RGS22: variants seen among roughly 807,000 people sequenced by gnomAD.
The protein encoded by RGS22 is regulator of G protein signaling 22.
A neutral mutation model predicts 172.9 loss-of-function variants in RGS22; 148 were observed. The ratio of observed to expected loss-of-function variants is 0.86; its 90% CI spans 0.75 to 0.98. The LOEUF is 0.98. RGS22 is among the 50% of genes least tolerant of loss of function. The pLI is 0.00. For missense variants in RGS22, 1,347 were observed against 1,440.8 expected (o/e 0.93, Z 1.05); for synonymous variants, 458 against 480.2 (o/e 0.95, Z 0.60).
At chr8:100,067,931 T>A (rs1314590183) in intron 6 of RGS22, among the ~76,000 whole-genome samples, 3 of 152,066 alleles carry the variant, frequency 2.0e-5, no homozygotes, top group Admixed American at 6.6e-5. Flanking sequence ...CCTATACTTT[T>A]AAGAGATGTG....
At chr8:100,101,048 T>C (rs1439796113) in intron 2 of RGS22, among the ~76,000 whole-genome samples, 1 of 152,328 alleles carries the variant, frequency 6.6e-6, no homozygotes, top group Admixed American at 6.5e-5. Context: ...ATGGAAGACT[T>C]GATAAAGACT....
At chr8:100,043,400 T>G (rs1010752088) in intron 11 of RGS22, among the ~76,000 whole-genome samples, 17 of 152,226 alleles carry the variant, frequency 1.1e-4, no homozygotes, top group Admixed American at 1.1e-3. Context: ...GATTCTATTC[T>G]AGGCATATCA....
intron 14 of RGS22, among the ~76,000 whole-genome samples, chr8:100,016,978 CTTTTTTTT>C (rs71274949): frequency 0.021 from 761 of 35,972 alleles, 3 homozygotes; most frequent in African/African-American, 0.025. Context: ...CCTTACCAGT[CTTTTTTTT>C]TTTTTTTTTT....
Position 100,051,571 on chromosome 8 carries a change from TTA to T in RGS22, c.1689+1229_1689+1230del, listed in dbSNP as rs576103096. 7.9e-3 allele frequency among the ~76,000 whole-genome samples: 684 copies of T among 86,392 alleles called. 123 individuals are homozygous for T. Among genetic ancestry groups the T allele is most frequent in the African/African-American group, 0.036 (624 of 17,328 alleles). 56.7% of individuals were successfully genotyped at this position (86,392 alleles called of 152,430 possible). ...TACATGTATTTATATAAATATATATTTATATATGTTTATACATATATAAATAT... is the reference window on the plus strand; with the variant it reads ...TACATGTATTTATATAAATATATATTTATATGTTTATACATATATAAATAT... On this transcript the variant is annotated intron_variant, in intron 10 of 27. Coordinates refer to ENST00000360863, the MANE Select transcript of RGS22 (RefSeq NM_015668.5).
chr8:100,093,482 G>T lies in RGS22; in HGVS notation c.82C>A (p.Leu28Ile). 6.3e-7 allele frequency: 1 copy of T among 1,595,164 alleles called. No homozygotes were observed. The highest frequency in any genetic ancestry group is 8.6e-7 in the Non-Finnish European group (1 of 1,167,878). Residue 28 changes from leucine (L) to isoleucine (I), a missense_variant, in exon 3 of 28, where the codon CTT becomes ATT. Transcript: ENST00000360863. ...FEDSLATDDF[L>I]VDYFNEFLSL... Reference sequence around the variant, plus strand: ...AGGAATTCATTAAAGTAGTCTACAAGGAAATCATCTGTTGCCAGAGAATCT... The same window carrying T: ...AGGAATTCATTAAAGTAGTCTACAATGAAATCATCTGTTGCCAGAGAATCT...
At chr8:100,005,990 G>T in intron 16 of RGS22, 27 bp downstream of exon 16, 1 of 1,592,136 alleles carries the variant, frequency 6.3e-7, no homozygotes. Context: ...TAAAAAGTTT[G>T]TTTTTCTAAG....
intron 4 of RGS22, among the ~76,000 whole-genome samples, chr8:100,078,293 CA>C (rs1169043338): frequency 1.3e-5 from 2 of 151,852 alleles, no homozygotes; most frequent in Non-Finnish European, 1.5e-5. Context: ...GGCTGGAGTG[CA>C]GTGGCACCAT....
At chr8:100,053,966 C>T (rs911427466) in intron 9 of RGS22, among the ~76,000 whole-genome samples, 1 of 152,086 alleles carries the variant, frequency 6.6e-6, no homozygotes, top group Non-Finnish European at 1.5e-5. Flanking sequence ...AAGTATGCTA[C>T]TAAAGTAGGT....
chr8:100,098,677 T>TTCTCTTC (rs35292144), intron 2 of RGS22, among the ~76,000 whole-genome samples: 32,118 of 150,898 alleles, frequency 0.21, 5,596 homozygotes, highest in African/African-American at 0.48. Flanking sequence ...CGGGTTTCTG[T>TTCTCTTC]TCTCTTCTCT....
intron 14 of RGS22, chr8:100,023,932 T>A (rs1217869129): frequency 6.6e-6 from 1 of 152,630 alleles, no homozygotes; most frequent in African/African-American, 2.4e-5. Flanking sequence ...TCATTGCTGC[T>A]CCAATACAAT....
At chr8:99,999,555 C>A in intron 18 of RGS22, 135 bp from the exon 19 acceptor site, 1 of 784,374 alleles carries the variant, frequency 1.3e-6, no homozygotes, top group Non-Finnish European at 2.0e-6. Flanking sequence ...TGTATAACAT[C>A]TCCTGGCTAT....
rs1473102311 is a variant in RGS22, at chr8:100,040,278, C to T, written c.1939-191G>A. On this transcript the variant is annotated intron_variant, in intron 12 of 27. Coordinates refer to ENST00000360863, the MANE Select transcript of RGS22 (RefSeq NM_015668.5). ...TCATATAAGATTCATTTGTGGAGCCCAACTATAGCCACAGAATATATTCTA... is the reference window on the plus strand; with the variant it reads ...TCATATAAGATTCATTTGTGGAGCCTAACTATAGCCACAGAATATATTCTA... Among the ~76,000 whole-genome samples the T allele has an allele frequency of 2.0e-5, 3 of 152,076 alleles. No individual in the cohort carries two copies. In the East Asian group the frequency reaches 5.8e-4, roughly 29 times the overall value.
At chr8:100,052,473 T>A (rs2131700024) in intron 10 of RGS22, among the ~76,000 whole-genome samples, 1 of 151,718 alleles carries the variant, frequency 6.6e-6, no homozygotes, top group South Asian at 2.1e-4. Context: ...TGCTAATTTT[T>A]TGTATTTTTA....
intron 7 of RGS22, among the ~76,000 whole-genome samples, chr8:100,065,344 A>G (rs1361097452): frequency 6.6e-6 from 1 of 152,202 alleles, no homozygotes; most frequent in Non-Finnish European, 1.5e-5. Context: ...TACTATTTTT[A>G]TCTCCAATTA....
chr8:100,031,057 A>G (rs1818737381), intron 14 of RGS22, among the ~76,000 whole-genome samples: 1 of 152,206 alleles, frequency 6.6e-6, no homozygotes, highest in Admixed American at 6.5e-5. Context: ...GACTTCACAG[A>G]TTTCCGTATA....
chr8:100,009,800 T>C (rs1272119543), intron 14 of RGS22, among the ~76,000 whole-genome samples: 3 of 152,190 alleles, frequency 2.0e-5, no homozygotes, highest in Non-Finnish European at 2.9e-5. Flanking sequence ...AAAGGGTCCA[T>C]GTTAACAACA....
At chr8:100,093,113 A>G (rs1812708885) in intron 3 of RGS22, 1 of 173,848 alleles carries the variant, frequency 5.8e-6, no homozygotes, top group Admixed American at 6.2e-5. Context: ...GCAGCGAGCC[A>G]TGATCATACC....
chr8:100,103,647 G>A (rs528963084), intron 2 of RGS22, among the ~76,000 whole-genome samples: 195 of 151,502 alleles, frequency 1.3e-3, no homozygotes, highest in African/African-American at 4.4e-3. Flanking sequence ...CACGAAACAG[G>A]GGTACTGAAG....
chr8:100,005,280 GGTGA>G (rs1815569841), intron 16 of RGS22, among the ~76,000 whole-genome samples: 1 of 151,952 alleles, frequency 6.6e-6, no homozygotes, highest in African/African-American at 2.4e-5. Context: ...TTAATATTTT[GGTGA>G]GTGTCTTTTC....
Sources: gnomAD v4.1 joint callset for allele counts (sites outside exome capture counted in the v4.1 genomes callset) on GRCh38, gnomAD v4.1.1 for gene constraint, MANE v1.5 for transcripts, NCBI Gene and HGNC (gene_info 2026-07-23, HGNC 2026-07-21) for gene names.